Variants in ST7 observed in about 807,000 individuals in gnomAD.
ST7 encodes suppression of tumorigenicity 7, also known as suppressor of tumorigenicity 7 protein.
ST7 carries 28 observed loss-of-function variants against 78.7 expected under a neutral mutation model. The ratio of observed to expected loss-of-function variants is 0.36; its 90% CI spans 0.26 to 0.49. The LOEUF (loss-of-function observed/expected upper bound fraction) is 0.49. Ranked by LOEUF, ST7 falls within the 20% of genes least tolerant of loss-of-function variation. ST7 has a pLI of 0.99. For missense variants in ST7, 418 were observed against 696.0 expected, an observed-to-expected ratio of 0.60 and a Z score of 4.49; for synonymous variants, 247 against 249.6, an observed-to-expected ratio of 0.99 and a Z score of 0.10.
intron 1 of ST7, among the ~76,000 whole-genome samples, chr7:117,008,604 G>C (rs1426940166): frequency 2.6e-5 from 4 of 152,166 alleles, no homozygotes; most frequent in Non-Finnish European, 5.9e-5. Flanking sequence ...TTTATCACCA[G>C]TTCTAATGTG....
At chr7:116,968,504 G>A (rs1793257573) in intron 1 of ST7, 3 of 423,068 alleles carry the variant, frequency 7.1e-6, no homozygotes, top group Non-Finnish European at 9.6e-6. Context: ...ACCATGCCTG[G>A]CTTAGAAAAG....
At chr7:117,229,331 T>C (rs1218673178) in intron 15 of ST7, among the ~76,000 whole-genome samples, 1 of 151,904 alleles carries the variant, frequency 6.6e-6, no homozygotes, top group Non-Finnish European at 1.5e-5. Context: ...CCTGTAAAAT[T>C]GCCATTTCCA....
chr7:117,152,651 A>G (rs1393280951), intron 9 of ST7, among the ~76,000 whole-genome samples: 1 of 152,162 alleles, frequency 6.6e-6, no homozygotes, highest in Non-Finnish European at 1.5e-5. Context: ...AGGTTTGTTC[A>G]GTCTTCCATC....
intron 15 of ST7, chr7:117,222,915 T>G (rs1361711812): frequency 1.9e-6 from 3 of 1,614,038 alleles, no homozygotes; most frequent in Non-Finnish European, 1.7e-6. Flanking sequence ...CAAGAGTATT[T>G]TCATGCGTGT....
chr7:117,202,450 G>A (rs955979429), intron 12 of ST7, among the ~76,000 whole-genome samples: 15 of 152,088 alleles, frequency 9.9e-5, no homozygotes, highest in Admixed American at 9.8e-4. Flanking sequence ...CCCCTGCTAA[G>A]CCTCTTCCTC....
chr7:117,156,010 C>T (rs1806660749), intron 9 of ST7, among the ~76,000 whole-genome samples: 1 of 152,198 alleles, frequency 6.6e-6, no homozygotes, highest in South Asian at 2.1e-4. Context: ...ACCTTGCAAT[C>T]CTACCTTCCC....
chr7:117,208,912 T>G (rs1238172560), intron 12 of ST7, among the ~76,000 whole-genome samples: 11 of 141,716 alleles, frequency 7.8e-5, no homozygotes, highest in African/African-American at 2.6e-4. Context: ...GGTGTGTGTG[T>G]GTGTGTGTGT....
At chr7:117,188,818 T>C (rs569357999) in intron 10 of ST7, among the ~76,000 whole-genome samples, 2 of 152,124 alleles carry the variant, frequency 1.3e-5, no homozygotes, top group South Asian at 4.1e-4. Flanking sequence ...AAAAATTGAA[T>C]GTAAACTTGA....
At chr7:117,214,066 C>T (rs965716474) in intron 13 of ST7, among the ~76,000 whole-genome samples, 14 of 152,114 alleles carry the variant, frequency 9.2e-5, no homozygotes, top group Admixed American at 3.3e-4. Context: ...TGTATTAATA[C>T]TGATGTGACT....
intron 1 of ST7, among the ~76,000 whole-genome samples, chr7:117,033,324 C>T (rs780226391): frequency 5.3e-5 from 8 of 151,980 alleles, no homozygotes; most frequent in East Asian, 3.9e-4. Context: ...TGGTTCCTGT[C>T]GTCTGGCAGT....
intron 2 of ST7, among the ~76,000 whole-genome samples, chr7:117,107,824 G>T (rs1283326512): frequency 1.3e-5 from 2 of 151,748 alleles, no homozygotes; most frequent in Non-Finnish European, 2.9e-5. Context: ...TGTTGGCCAG[G>T]CTGGTCTGGC....
chr7:117,032,264 T>C (rs1210692675), intron 1 of ST7, among the ~76,000 whole-genome samples: 1 of 152,148 alleles, frequency 6.6e-6, no homozygotes, highest in Non-Finnish European at 1.5e-5. Flanking sequence ...AATGCTACTT[T>C]TATGGCCCTT....
chr7:117,074,833 T>C (rs1330294377), intron 1 of ST7: 1 of 152,224 alleles, frequency 6.6e-6, no homozygotes, highest in African/African-American at 2.4e-5. Flanking sequence ...ACAGGTTTGT[T>C]GGCCAGTAAG....
chr7:116,980,595 G>A (rs1311884997), intron 1 of ST7, among the ~76,000 whole-genome samples: 10 of 152,210 alleles, frequency 6.6e-5, no homozygotes, highest in Non-Finnish European at 7.3e-5. Context: ...GTTGTCACAA[G>A]AAACAGCTGG....
At chr7:117,063,571 T>C (rs1241729492) in intron 1 of ST7, among the ~76,000 whole-genome samples, 2 of 152,102 alleles carry the variant, frequency 1.3e-5, no homozygotes, top group African/African-American at 4.8e-5. Flanking sequence ...TAGCTGGGTG[T>C]GGTGGCATGC....
intron 1 of ST7, among the ~76,000 whole-genome samples, chr7:117,078,736 A>G (rs1049195923): frequency 3.3e-4 from 51 of 152,354 alleles, no homozygotes; most frequent in African/African-American, 1.2e-3. Flanking sequence ...GAATTAGCAT[A>G]TGTAGGACAT....
chr7:117,055,922 A>C (rs966655947), intron 1 of ST7, among the ~76,000 whole-genome samples: 4 of 152,192 alleles, frequency 2.6e-5, no homozygotes, highest in African/African-American at 7.2e-5. Context: ...TGCAAGCTTG[A>C]GCAAGAACAG....
At chr7:117,138,367 G>A in intron 8 of ST7, 68 bp from the exon 9 acceptor site, 4 of 1,070,978 alleles carry the variant, frequency 3.7e-6, no homozygotes, top group African/African-American at 1.6e-5. Context: ...TTCCTTTAGG[G>A]GCAAGGCAAA....
intron 12 of ST7, among the ~76,000 whole-genome samples, chr7:117,192,775 C>T (rs900698090): frequency 6.6e-6 from 1 of 152,042 alleles, no homozygotes; most frequent in Non-Finnish European, 1.5e-5. Context: ...GTTAATTGAG[C>T]CTCTAGAAGA....
Sources: gnomAD v4.1 joint callset for allele counts (sites outside exome capture counted in the v4.1 genomes callset) on GRCh38, gnomAD v4.1.1 for gene constraint, MANE v1.5 for transcripts, NCBI Gene and HGNC (gene_info 2026-07-23, HGNC 2026-07-21) for gene names.